SIRPA: variants seen among roughly 807,000 people sequenced by gnomAD.
SIRPA encodes signal regulatory protein alpha.
Under a neutral mutation model 50.3 loss-of-function variants are expected in SIRPA, and 9 were observed. The observed-to-expected ratio is 0.18, with a 90% CI of 0.11 to 0.31. The LOEUF (loss-of-function observed/expected upper bound fraction) is 0.31, where lower values mean the gene tolerates loss of function less well. Among genes scored for constraint, SIRPA ranks in the 10% least tolerant of loss-of-function variants. The pLI is 1.00. For synonymous variants in SIRPA, 265 were observed against 284.1 expected (o/e 0.93, Z 0.68); for missense variants, 474 against 661.6 (o/e 0.72, Z 3.11).
chr20:1,929,265 T>C (rs1986166725), intron 6 of SIRPA, among the ~76,000 whole-genome samples: 1 of 152,046 alleles, frequency 6.6e-6, no homozygotes, highest in South Asian at 2.1e-4. Flanking sequence ...TGAGGATGTG[T>C]AGGTGACCAT....
At chr20:1,902,261 A>G (rs767454827) in intron 1 of SIRPA, among the ~76,000 whole-genome samples, 16 of 152,024 alleles carry the variant, frequency 1.1e-4, no homozygotes, top group Non-Finnish European at 2.2e-4. Context: ...ACATCCCTTC[A>G]TGTGAGCTGT....
At position 1,934,700 on chromosome 20, in the gene SIRPA, CTCTT is replaced by C. The variant is rs767860961; in HGVS notation, c.1227-12_1227-9del. The C allele has an allele frequency of 6.2e-7, 1 of 1,613,798 alleles. No individual in the cohort carries two copies. The highest frequency in any genetic ancestry group is 1.1e-5 in the South Asian group (1 of 91,050). On this transcript the variant is annotated splice_polypyrimidine_tract_variant and intron_variant, in intron 6 of 7. Coordinates refer to ENST00000358771, the MANE Select transcript of SIRPA (RefSeq NM_001040023.2). The surrounding 1 kb of genome is among the most constrained non-coding windows in gnomAD (Gnocchi z 4.6). The stretch of plus-strand genomic sequence containing the variant: ...AGTGAGGGTATTTTTATCTGTGTGT[CTCTT>C]TCCTTTTTAGGTTGCATGAGCCCGA...
At chr20:1,913,313 G>A (rs1223067279) in intron 1 of SIRPA, among the ~76,000 whole-genome samples, 1 of 152,246 alleles carries the variant, frequency 6.6e-6, no homozygotes, top group Non-Finnish European at 1.5e-5. Flanking sequence ...GAAAGAGGCA[G>A]GACAATGGGC....
intron 2 of SIRPA, among the ~76,000 whole-genome samples, chr20:1,920,578 C>T (rs1985589042): frequency 6.6e-6 from 1 of 152,212 alleles, no homozygotes; most frequent in Admixed American, 6.5e-5. Context: ...GCTTTCTCCA[C>T]ACTTGGTGAT....
chr20:1,911,231 G>C (rs1984869687), intron 1 of SIRPA, among the ~76,000 whole-genome samples: 2 of 152,090 alleles, frequency 1.3e-5, no homozygotes, highest in South Asian at 4.1e-4. Context: ...TTTTCATACA[G>C]ACACTTAAGT....
chr20:1,904,906 G>C (rs1049056564), intron 1 of SIRPA, among the ~76,000 whole-genome samples: 10 of 152,112 alleles, frequency 6.6e-5, no homozygotes, highest in Non-Finnish European at 7.3e-5. Context: ...CTGCTCTGGG[G>C]CACATTCCTG....
intron 1 of SIRPA, among the ~76,000 whole-genome samples, chr20:1,899,324 C>G (rs1396075738): frequency 6.6e-6 from 1 of 152,108 alleles, no homozygotes; most frequent in Non-Finnish European, 1.5e-5. Context: ...TGCAGGATAA[C>G]CAGGCTTCCT....
intron 2 of SIRPA, among the ~76,000 whole-genome samples, chr20:1,916,761 A>G (rs4813330): frequency 0.37 from 56,549 of 152,080 alleles, 10,843 homozygotes; most frequent in East Asian, 0.66. Flanking sequence ...CCAAACTTGA[A>G]CTATTAAAAC....
intron 1 of SIRPA, among the ~76,000 whole-genome samples, chr20:1,914,661 C>T (rs555876735): frequency 6.6e-6 from 1 of 151,968 alleles, no homozygotes; most frequent in East Asian, 1.9e-4. Context: ...CTGAGTACAG[C>T]CTCCCTTCTC....
Position 1,932,437 on chromosome 20 carries a change from C to T in SIRPA, c.1227-2278C>T, listed in dbSNP as rs532625531. Among the ~76,000 whole-genome samples, 103 of 152,268 alleles carry T rather than the reference C, an allele frequency of 6.8e-4. No homozygotes were observed. The highest frequency in any genetic ancestry group is 3.4e-3 in the Middle Eastern group (1 of 294). ...AAAGGGAACAGCCAGTGCCAAGACC[C>T]TGAGACGGGAGCAGTCAGATGCATG... On this transcript the variant is annotated intron_variant, in intron 6 of 7. Transcript: ENST00000358771. The surrounding 1 kb of genome is among the most constrained non-coding windows in gnomAD (Gnocchi z 6.0).
chr20:1,922,952 T>C (rs742618), intron 4 of SIRPA, among the ~76,000 whole-genome samples: 2,786 of 152,290 alleles, frequency 0.018, 40 homozygotes, highest in Middle Eastern at 0.092. Context: ...ACAGTTGTCA[T>C]GCTCCCCATT....
In SIRPA at chr20:1,935,178, C is replaced by A. The variant is rs141393782; in HGVS notation, c.1266+424C>A. Among the ~76,000 whole-genome samples, 733 of 152,326 alleles carry A rather than the reference C, an allele frequency of 4.8e-3. 5 individuals carry two copies. The highest frequency in any genetic ancestry group is 0.017 in the African/African-American group (699 of 41,572). On this transcript the variant is annotated intron_variant, in intron 7 of 7. Transcript: ENST00000358771. Reference sequence around the variant, plus strand: ...GCTGGAACTGCAAAGCCCAGCCTGCCAGGGCCTCTCCCACCTTTGCTGATG... The same window carrying A: ...GCTGGAACTGCAAAGCCCAGCCTGCAAGGGCCTCTCCCACCTTTGCTGATG...
At chr20:1,911,028 A>G (rs1270994861) in intron 1 of SIRPA, among the ~76,000 whole-genome samples, 1 of 152,138 alleles carries the variant, frequency 6.6e-6, no homozygotes, top group Non-Finnish European at 1.5e-5. Flanking sequence ...GTTTTTTTCT[A>G]AAATTGGGAG....
chr20:1,926,069 C>T (rs1440619631), intron 5 of SIRPA, among the ~76,000 whole-genome samples: 1 of 152,216 alleles, frequency 6.6e-6, no homozygotes. Context: ...TGGTTGGGCA[C>T]ATTGTACACT....
At chr20:1,900,895 G>T (rs979640186) in intron 1 of SIRPA, among the ~76,000 whole-genome samples, 16 of 152,214 alleles carry the variant, frequency 1.1e-4, no homozygotes, top group African/African-American at 3.6e-4. Flanking sequence ...GGCGATGCAC[G>T]TCGTTATCTT....
At chr20:1,915,060 G>A (rs1985154874) in intron 1 of SIRPA, 39 bp from the exon 2 acceptor site, 4 of 1,439,714 alleles carry the variant, frequency 2.8e-6, no homozygotes, top group East Asian at 2.4e-5. Context: ...AGAGGATCAC[G>A]TAAGGATGAA....
chr20:1,911,809 C>T (rs543635696), intron 1 of SIRPA, among the ~76,000 whole-genome samples: 4 of 152,056 alleles, frequency 2.6e-5, no homozygotes, highest in Admixed American at 6.6e-5. Flanking sequence ...CCTGGACAGT[C>T]GCATCCTCTG....
rs777588362 is a variant in SIRPA at position 1,932,905 on chromosome 20, C to G, written c.1227-1810C>G. On this transcript the variant is annotated intron_variant, in intron 6 of 7. Coordinates refer to ENST00000358771, the MANE Select transcript of SIRPA (RefSeq NM_001040023.2). The surrounding 1 kb of genome is among the most constrained non-coding windows in gnomAD (Gnocchi z 6.0). The stretch of plus-strand genomic sequence containing the variant: ...GAGCTATTCACTGAAATAGGAAAAT[C>G]CAGGGGAGACACAGATATGGGGAAA... Among the ~76,000 whole-genome samples, 14 of 152,240 alleles carry G rather than the reference C, an allele frequency of 9.2e-5. No individual in the cohort carries two copies. Among genetic ancestry groups the G allele is most frequent in the Non-Finnish European group, 1.8e-4 (12 of 68,026 alleles).
At chr20:1,908,659 CGT>C (rs1348955676) in intron 1 of SIRPA, among the ~76,000 whole-genome samples, 4 of 152,190 alleles carry the variant, frequency 2.6e-5, no homozygotes, top group Non-Finnish European at 4.4e-5. Flanking sequence ...TATGTACACA[CGT>C]GTGTTCTCGT....
Sources: allele counts gnomAD v4.1 joint callset (sites outside exome capture counted in the v4.1 genomes callset), GRCh38; gene constraint gnomAD v4.1.1; non-coding constraint Gnocchi (gnomAD v3.1); transcripts MANE v1.5; gene names NCBI Gene and HGNC (gene_info 2026-07-23, HGNC 2026-07-21).